GIPC1: variants seen among roughly 807,000 people sequenced by gnomAD.
GIPC1 encodes GIPC PDZ domain containing family member 1.
Under a neutral mutation model 28.5 loss-of-function variants are expected in GIPC1, and 15 were observed. That is an observed-to-expected ratio of 0.53 (90% CI 0.35 to 0.81). The LOEUF is 0.81. GIPC1 is among the 30% of genes least tolerant of loss of function. The pLI is 0.01. For synonymous variants in GIPC1, 224 were observed against 206.1 expected (o/e 1.09, Z -0.74); for missense variants, 439 against 481.9 (o/e 0.91, Z 0.83).
At chr19:14,484,979 G>C (rs1328759546) in intron 3 of GIPC1, among the ~76,000 whole-genome samples, 1 of 151,668 alleles carries the variant, frequency 6.6e-6, no homozygotes, top group Non-Finnish European at 1.5e-5. Context: ...GGCCAACATG[G>C]TGAGACCCCG....
At chr19:14,494,017 T>C (rs1224704895) in intron 1 of GIPC1, among the ~76,000 whole-genome samples, 2 of 151,408 alleles carry the variant, frequency 1.3e-5, no homozygotes, top group African/African-American at 2.4e-5. Context: ...TGGAGTGCAG[T>C]GGCACGATCT....
intron 7 of GIPC1, among the ~76,000 whole-genome samples, chr19:14,479,043 G>C (rs368274508): frequency 1.3e-5 from 2 of 151,982 alleles, no homozygotes; most frequent in African/African-American, 4.8e-5. Context: ...TAATGCTGCC[G>C]GTTATGAAAA....
chr19:14,480,308 A>G lies in GIPC1; in HGVS notation c.652T>C (p.Phe218Leu). 6.2e-7 allele frequency: 1 copy of G among 1,610,236 alleles called. No individual in the cohort carries two copies. Among genetic ancestry groups the G allele is most frequent in the South Asian group, 1.1e-5 (1 of 90,980 alleles). The part of the protein sequence containing the change: ...TLKLTEPRKA[F>L]DMISQRSAGG... The stretch of plus-strand genomic sequence containing the variant: ...GGTCCAGGGGGCGGCTCCTCACCGA[A>G]GGCCTTGCGAGGCTCCGTGAGCTTC... Residue 218 changes from phenylalanine to leucine, a missense_variant, in exon 6 of 9, where the codon TTC becomes CTC. Transcript: ENST00000393033.
chr19:14,495,284 C>T (rs2072051877), intron 1 of GIPC1, among the ~76,000 whole-genome samples: 1 of 143,748 alleles, frequency 7.0e-6, no homozygotes, highest in South Asian at 2.2e-4. Flanking sequence ...AGCAAAAGAC[C>T]AGCAGGTGTG....
At position 14,482,813 on chromosome 19, in the gene GIPC1, C is replaced by T. The variant is rs755568846; in HGVS notation, c.164G>A (p.Arg55Gln). 7.5e-6 allele frequency: 12 copies of T among 1,592,372 alleles called. No individual in the cohort carries two copies. The highest frequency in any genetic ancestry group is 4.0e-5 in the African/African-American group (3 of 74,532). Residue 55 changes from arginine (R) to glutamine (Q), a missense_variant, in exon 4 of 9, where the codon CGG becomes CAG. Physicochemically the swap from Arg to Gln is conservative, Grantham distance 43. Coordinates refer to ENST00000393033, the MANE Select transcript of GIPC1 (RefSeq NM_005716.4). ...CTGGGTGTGGAACACGAGGCGGGGCCGCAGGGCTGGGGGAGGGGGGGGCAA... is the reference window on the plus strand; with the variant it reads ...CTGGGTGTGGAACACGAGGCGGGGCTGCAGGGCTGGGGGAGGGGGGGGCAA... ...MGLPPPPPAL[R>Q]PRLVFHTQLA...
rs539047824 is a variant in GIPC1, at chr19:14,480,283, G to A, written c.655+22C>T. On this transcript the variant is annotated intron_variant, in intron 6 of 8. Coordinates refer to ENST00000393033, the MANE Select transcript of GIPC1 (RefSeq NM_005716.4). ...CCCATGCGAGCAGCGCCACTGGGGA[G>A]GTCCAGGGGGCGGCTCCTCACCGAA... The A allele has an allele frequency of 1.3e-5, 21 of 1,599,484 alleles. No homozygotes were observed. In the African/African-American group the frequency reaches 2.1e-4, roughly 16 times the overall value.
rs2071761257 is a variant in GIPC1 at position 14,482,852 on chromosome 19, C to T, written c.125G>A (p.Gly42Asp). ...PGPLGGGGSG[G>D]PQMGLPPPPP... The stretch of plus-strand genomic sequence containing the variant: ...AGGGGGGGGCAAGCCCATTTGGGGG[C>T]CCCCCGACCCACCTCCGCCCAGAGG... The change falls in exon 4 of 9, where the codon GGC (glycine) becomes GAC (aspartate). Residue 42 changes from glycine (G) to aspartate (D), a missense_variant. Transcript: ENST00000393033. 1 of 1,569,052 alleles carries T rather than the reference C, an allele frequency of 6.4e-7. No homozygotes were observed. The highest frequency in any genetic ancestry group is 8.6e-7 in the Non-Finnish European group (1 of 1,157,260).
intron 4 of GIPC1, among the ~76,000 whole-genome samples, chr19:14,481,150 TG>T (rs1214570427): frequency 6.6e-6 from 1 of 152,228 alleles, no homozygotes; most frequent in East Asian, 1.9e-4. Context: ...TTGTATTTTT[TG>T]TGGAGATATG....
chr19:14,480,008 C>G (rs117156618), intron 6 of GIPC1: 22 of 552,008 alleles, frequency 4.0e-5, no homozygotes, highest in Non-Finnish European at 6.2e-5. Flanking sequence ...ACTGAGCAGT[C>G]AAGCCTGGCC....
chr19:14,483,596 A>C (rs1228853723), intron 3 of GIPC1: 1 of 152,048 alleles, frequency 6.6e-6, no homozygotes, highest in Non-Finnish European at 1.5e-5. Context: ...AAAACACAAA[A>C]AAATTAGCCA....
rs917543121 is a variant in GIPC1, at chr19:14,480,336, C to A, written c.624G>T (p.Thr208=). The change falls in exon 6 of 9, where the codon ACG becomes ACT. Residue 208 remains threonine, a synonymous_variant. Transcript: ENST00000393033. ...CCTTGCGAGGCTCCGTGAGCTTCAG[C>A]GTGAAGGTACGGCCTCGGGGCAGCT... ...LKELPRGRTF[T]LKLTEPRKAF... The A allele has an allele frequency of 3.7e-6, 6 of 1,611,714 alleles. No individual in the cohort carries two copies. Among genetic ancestry groups the A allele is most frequent in the Non-Finnish European group, 5.1e-6 (6 of 1,179,892 alleles).
chr19:14,493,462 C>T (rs996371647), intron 1 of GIPC1, among the ~76,000 whole-genome samples: 1 of 145,824 alleles, frequency 6.9e-6, no homozygotes, highest in Non-Finnish European at 1.5e-5. Flanking sequence ...ATCTCTCTCT[C>T]TTTTTTTTTT....
rs954835892 is a variant in GIPC1, at chr19:14,482,580, G to A, written c.288+109C>T. On this transcript the variant is annotated intron_variant, in intron 4 of 8. Coordinates refer to ENST00000393033, the MANE Select transcript of GIPC1 (RefSeq NM_005716.4). ...GCCCCCACCACTGAGTGGGGCCCAG[G>A]CTCAGCATCTGCAGCTTCAGCATCT... 37 of 1,115,438 alleles carry A rather than the reference G, an allele frequency of 3.3e-5. No individual in the cohort carries two copies. The East Asian group carries it at 9.1e-4, about 28-fold the overall frequency. The allele number at this position is 1,115,438 out of a possible 1,614,324, so 69.1% of individuals were successfully genotyped here. A position where few individuals can be genotyped will look rare whatever the true frequency, so the allele number is the denominator to read the frequency against.
chr19:14,480,286 C>A lies in GIPC1; in HGVS notation c.655+19G>T. ...ATGCGAGCAGCGCCACTGGGGAGGT[C>A]CAGGGGGCGGCTCCTCACCGAAGGC... On this transcript the variant is annotated intron_variant, in intron 6 of 8. Coordinates refer to ENST00000393033, the MANE Select transcript of GIPC1 (RefSeq NM_005716.4). 6.2e-7 allele frequency: 1 copy of A among 1,604,704 alleles called. No individual in the cohort carries two copies. The highest frequency in any genetic ancestry group is 8.5e-7 in the Non-Finnish European group (1 of 1,175,752).
chr19:14,492,653 G>A (rs1160341988), intron 2 of GIPC1, among the ~76,000 whole-genome samples: 1 of 152,078 alleles, frequency 6.6e-6, no homozygotes, highest in Admixed American at 6.6e-5. Context: ...CTTTTCCCAA[G>A]ATCCCTACAT....
rs550263336 is a variant in GIPC1 at position 14,480,734 on chromosome 19, C to G, written c.333G>C (p.Lys111Asn). Reference protein sequence around the residue: ...TLNTHKVDMDKLLGGQIGLED... With the variant: ...TLNTHKVDMDNLLGGQIGLED... ...CCAGCCCGATCTGGCCCCCCAGGAGCTTGTCCATGTCCACTTTGTGGGTGT... is the reference window on the plus strand; with the variant it reads ...CCAGCCCGATCTGGCCCCCCAGGAGGTTGTCCATGTCCACTTTGTGGGTGT... The change falls in exon 5 of 9, where the codon AAG becomes AAC. Residue 111 changes from lysine (K) to asparagine (N), a missense_variant. Lys to Asn is a moderately conservative substitution (Grantham distance 94, BLOSUM62 0). Transcript: ENST00000393033. 33 of 1,614,030 alleles carry G rather than the reference C, an allele frequency of 2.0e-5. No individual in the cohort carries two copies. Among genetic ancestry groups the G allele is most frequent in the South Asian group, 3.3e-5 (3 of 91,086 alleles).
In GIPC1 at chr19:14,478,128, G is replaced by T; in HGVS notation, c.*288C>A. 5.1e-6 allele frequency: 2 copies of T among 392,080 alleles called. No individual in the cohort carries two copies. The highest frequency in any genetic ancestry group is 4.6e-6 in the Non-Finnish European group (1 of 215,216). 24.3% of individuals were successfully genotyped at this position (392,080 alleles called of 1,614,324 possible). The stretch of plus-strand genomic sequence containing the variant: ...TGATGGTGGAAAGTGGTGGAGGCGG[G>T]GGTGGCCGCCCAATTTGGCTGATCC... On this transcript the variant is annotated 3_prime_UTR_variant, in exon 9 of 9. Coordinates refer to ENST00000393033, the MANE Select transcript of GIPC1 (RefSeq NM_005716.4). The surrounding 1 kb of genome is among the most constrained non-coding windows in gnomAD (Gnocchi z 5.2).
chr19:14,491,937 G>A (rs745511326), intron 2 of GIPC1, among the ~76,000 whole-genome samples, 194 bp from the exon 3 acceptor site: 1 of 152,044 alleles, frequency 6.6e-6, no homozygotes, highest in Non-Finnish European at 1.5e-5. Context: ...GCGTGGTGGC[G>A]GGCGCCTGCA....
chr19:14,495,749 G>A (rs1162561559), intron 1 of GIPC1, among the ~76,000 whole-genome samples: 1 of 152,116 alleles, frequency 6.6e-6, no homozygotes, highest in African/African-American at 2.4e-5. Context: ...TGTCCACGCT[G>A]GGATGGGGAC....
Sources: allele counts gnomAD v4.1 joint callset (sites outside exome capture counted in the v4.1 genomes callset), GRCh38; gene constraint gnomAD v4.1.1; non-coding constraint Gnocchi (gnomAD v3.1); transcripts MANE v1.5; gene names NCBI Gene and HGNC (gene_info 2026-07-23, HGNC 2026-07-21).